Variants in NUDT7 observed in about 807,000 individuals in gnomAD.
NUDT7 encodes nudix hydrolase 7.
Under a neutral mutation model 13.1 loss-of-function variants are expected in NUDT7, and 19 were observed. That is an observed-to-expected ratio of 1.45 (90% confidence interval 1.01 to 2.13). The LOEUF (loss-of-function observed/expected upper bound fraction) is 2.13. Among genes scored for constraint, NUDT7 ranks in the 30% most tolerant of loss-of-function variants. NUDT7 has a pLI of 0.00. For synonymous variants in NUDT7, 132 were observed against 109.7 expected, an observed-to-expected ratio of 1.20 and a Z score of -1.27; for missense variants, 360 against 291.7, an observed-to-expected ratio of 1.23 and a Z score of -1.71.
chr16:77,741,601 C>T lies in NUDT7; in HGVS notation c.368C>T (p.Pro123Leu). 3.1e-6 allele frequency: 5 copies of T among 1,609,554 alleles called. No homozygotes were observed. Among genetic ancestry groups the T allele is most frequent in the South Asian group, 2.2e-5 (2 of 90,642 alleles). ...CLIDTDTLIT[P>L]FVGLIDHNFQ... Reference sequence around the variant, plus strand: ...TTTTAGACAGATACATTGATAACTCCATTTGTGGGTTTAATAGACCACAAC... The same window carrying T: ...TTTTAGACAGATACATTGATAACTCTATTTGTGGGTTTAATAGACCACAAC... The change falls in exon 4 of 4, where the codon CCA becomes CTA. Residue 123 changes from proline (P) to leucine (L), a missense_variant. By Grantham distance (98) the Pro-to-Leu change is moderately conservative (BLOSUM62 -3). Coordinates refer to ENST00000268533, the MANE Select transcript of NUDT7 (RefSeq NM_001105663.3).
At chr16:77,739,730 G>A (rs1343793784) in intron 3 of NUDT7, among the ~76,000 whole-genome samples, 1 of 152,126 alleles carries the variant, frequency 6.6e-6, no homozygotes, top group East Asian at 1.9e-4. Flanking sequence ...ACACTTGGCA[G>A]CTTTCTTCTG....
chr16:77,728,278 G>A (rs780702663), intron 2 of NUDT7, among the ~76,000 whole-genome samples: 1 of 152,142 alleles, frequency 6.6e-6, no homozygotes, highest in Non-Finnish European at 1.5e-5. Context: ...TGTCGCCCAG[G>A]CTGGAGTGCA....
intron 2 of NUDT7, among the ~76,000 whole-genome samples, chr16:77,732,823 G>A (rs1317783186): frequency 6.7e-6 from 1 of 149,250 alleles, no homozygotes; most frequent in Non-Finnish European, 1.5e-5. Context: ...ATCATATCAG[G>A]TCTGTTTCTG....
chr16:77,732,262 A>G (rs2014341146), intron 2 of NUDT7, among the ~76,000 whole-genome samples: 1 of 151,908 alleles, frequency 6.6e-6, no homozygotes, highest in African/African-American at 2.4e-5. Context: ...CAGGAGTCAG[A>G]GGCTGCAGTG....
intron 1 of NUDT7, among the ~76,000 whole-genome samples, chr16:77,724,234 G>A (rs1227531528): frequency 6.6e-6 from 1 of 152,016 alleles, no homozygotes; most frequent in Non-Finnish European, 1.5e-5. Flanking sequence ...CTTCTTCCCT[G>A]TGTGCATCTC....
In NUDT7 at chr16:77,742,173, C is replaced by T; in HGVS notation, c.*223C>T. On this transcript the variant is annotated 3_prime_UTR_variant, in exon 4 of 4. Coordinates refer to ENST00000268533, the MANE Select transcript of NUDT7 (RefSeq NM_001105663.3). ...TCATAGTGTTGCATATTTTCACCCA[C>T]AATATGTTAATAATATTTTTCTTAC... is the stretch of plus-strand genomic sequence containing the variant. The T allele has an allele frequency of 8.8e-7, 1 of 1,131,086 alleles. No homozygotes were observed. Among genetic ancestry groups the T allele is most frequent in the Non-Finnish European group, 1.1e-6 (1 of 892,572 alleles). The allele number at this position is 1,131,086 out of a possible 1,614,324, so 70.1% of individuals were successfully genotyped here. A position where few individuals can be genotyped will look rare whatever the true frequency, so the allele number is the denominator to read the frequency against.
chr16:77,725,329 A>C (rs755044544), intron 1 of NUDT7, 102 bp from the exon 2 acceptor site: 31 of 1,048,082 alleles, frequency 3.0e-5, no homozygotes, highest in Non-Finnish European at 4.1e-5. Flanking sequence ...CAGAAATGGC[A>C]AACTCCTAAA....
intron 3 of NUDT7, among the ~76,000 whole-genome samples, chr16:77,740,862 G>T (rs1192698213): frequency 6.6e-6 from 1 of 152,088 alleles, no homozygotes; most frequent in Non-Finnish European, 1.5e-5. Flanking sequence ...ATGTTCATTT[G>T]CAAGCAGTTG....
chr16:77,732,591 T>C (rs2014351766), intron 2 of NUDT7, among the ~76,000 whole-genome samples: 1 of 152,180 alleles, frequency 6.6e-6, no homozygotes, highest in African/African-American at 2.4e-5. Context: ...TACTTACCAT[T>C]ATGTTACTAT....
intron 3 of NUDT7, chr16:77,736,686 G>A (rs112618834): frequency 2.5e-5 from 7 of 282,814 alleles, no homozygotes; most frequent in South Asian, 9.6e-5. Context: ...GGCTGGTCTC[G>A]AGCTCCTGGC....
At chr16:77,723,159 G>A (rs915401580) in intron 1 of NUDT7, among the ~76,000 whole-genome samples, 1 of 152,218 alleles carries the variant, frequency 6.6e-6, no homozygotes, top group African/African-American at 2.4e-5. Flanking sequence ...CCCCTAAAGT[G>A]GACAGATAAC....
At chr16:77,737,982 A>C (rs1203834731) in intron 3 of NUDT7, among the ~76,000 whole-genome samples, 1 of 152,092 alleles carries the variant, frequency 6.6e-6, no homozygotes, top group African/African-American at 2.4e-5. Flanking sequence ...TAAAAATAGA[A>C]AGGTCAGTAC....
chr16:77,728,073 T>TA (rs2014195317), intron 2 of NUDT7, among the ~76,000 whole-genome samples: 1 of 152,054 alleles, frequency 6.6e-6, no homozygotes, highest in Non-Finnish European at 1.5e-5. Context: ...TATCTGGCTG[T>TA]AGGGGTGAGA....
At chr16:77,732,089 G>T (rs113159376) in intron 2 of NUDT7, among the ~76,000 whole-genome samples, 1 of 152,058 alleles carries the variant, frequency 6.6e-6, no homozygotes, top group Non-Finnish European at 1.5e-5. Context: ...CACTTTGGGA[G>T]GCCAAGGTGG....
intron 3 of NUDT7, among the ~76,000 whole-genome samples, chr16:77,740,777 A>C (rs972864844): frequency 7.2e-5 from 11 of 151,882 alleles, no homozygotes; most frequent in African/African-American, 2.4e-4. Context: ...CAAACTCCTG[A>C]CCTCAGGTGG....
Position 77,741,363 on chromosome 16 carries a change from C to G in NUDT7, c.349-219C>G, listed in dbSNP as rs1597121158. On this transcript the variant is annotated intron_variant, in intron 3 of 3. Transcript: ENST00000268533. ...AAGATTGTACTACTTTATGTTCATACAAGAAATCATTTTCAGAGTCATCTC... is the reference window on the plus strand; with the variant it reads ...AAGATTGTACTACTTTATGTTCATAGAAGAAATCATTTTCAGAGTCATCTC... 1.6e-5 allele frequency: 8 copies of G among 507,664 alleles called. No homozygotes were observed. The East Asian group carries it at 2.6e-4, about 16-fold the overall frequency. 31.4% of individuals were successfully genotyped at this position (507,664 alleles called of 1,614,324 possible).
intron 2 of NUDT7, among the ~76,000 whole-genome samples, chr16:77,731,427 C>T (rs904815627): frequency 5.3e-5 from 8 of 152,102 alleles, no homozygotes; most frequent in Non-Finnish European, 1.2e-4. Flanking sequence ...TCATAGCAGT[C>T]ATAATGTCAT....
intron 2 of NUDT7, among the ~76,000 whole-genome samples, chr16:77,727,058 T>C (rs1261785781): frequency 6.6e-6 from 1 of 152,162 alleles, no homozygotes; most frequent in Admixed American, 6.5e-5. Context: ...AGTGCCAAGA[T>C]GATGGTGCTA....
Position 77,722,536 on chromosome 16 carries a change from C to T in NUDT7, c.-47C>T. On this transcript the variant is annotated 5_prime_UTR_variant, in exon 1 of 4. Transcript: ENST00000268533. Reference sequence around the variant, plus strand: ...GCTGCTCTGCGCAAGCGCGACCGACCGAGCAGCTCCGAGGAGTCCGCCCGG... The same window carrying T: ...GCTGCTCTGCGCAAGCGCGACCGACTGAGCAGCTCCGAGGAGTCCGCCCGG... 1 of 1,548,268 alleles carries T rather than the reference C, an allele frequency of 6.5e-7. No individual in the cohort carries two copies. The highest frequency in any genetic ancestry group is 8.8e-7 in the Non-Finnish European group (1 of 1,141,894).
Sources: gnomAD v4.1 joint callset for allele counts (sites outside exome capture counted in the v4.1 genomes callset) on GRCh38, gnomAD v4.1.1 for gene constraint, MANE v1.5 for transcripts, NCBI Gene and HGNC (gene_info 2026-07-23, HGNC 2026-07-21) for gene names.